GNAO1: variants seen among roughly 807,000 people sequenced by gnomAD.
The protein encoded by GNAO1 is guanine nucleotide-binding protein G(o) subunit alpha.
For missense variants in GNAO1, 166 were observed against 478.7 expected (o/e 0.35, Z 6.10); for synonymous variants, 164 against 180.7 (o/e 0.91, Z 0.74).
rs3827947 is a variant in GNAO1, at chr16:56,337,694, G to A, written c.723+834G>A. On this transcript the variant is annotated intron_variant, in intron 6 of 8. Transcript: ENST00000262493. ...CTGTTGGCAGTGGGGTGGGTGATGCGTGTGCAGCGCTCTGGAGCTGTTTCT... is the reference window on the plus strand; with the variant it reads ...CTGTTGGCAGTGGGGTGGGTGATGCATGTGCAGCGCTCTGGAGCTGTTTCT... 3.2e-3 allele frequency among the ~76,000 whole-genome samples: 488 copies of A among 152,358 alleles called. 5 individuals carry two copies. The highest frequency in any genetic ancestry group is 0.022 in the East Asian group (113 of 5,186).
At chr16:56,192,379 T>TCCCCCCAG in intron 1 of GNAO1, 26 bp downstream of exon 1, 1 of 1,115,914 alleles carries the variant, frequency 9.0e-7, no homozygotes, top group Non-Finnish European at 1.2e-6. Flanking sequence ...GCTACCCCCA[T>TCCCCCCAG]CCCCCGACCC....
rs1567443258 is a variant in GNAO1, at chr16:56,220,738, T to TGTTG, written c.161+28122_161+28123insGTTG. Among the ~76,000 whole-genome samples, 7 of 151,454 alleles carry TGTTG rather than the reference T, an allele frequency of 4.6e-5. No homozygotes were observed. In the South Asian group the frequency reaches 1.5e-3, roughly 32 times the overall value. On this transcript the variant is annotated intron_variant, in intron 2 of 8. Transcript: ENST00000262493. The stretch of plus-strand genomic sequence containing the variant: ...TCGTGGATGGGATTAGCGTGGGTTT[T>TGTTG]TTGTTGTTGTTGTTGTTGTTGTTGT...
intron 2 of GNAO1, chr16:56,193,735 T>C (rs898894661): frequency 1.3e-5 from 3 of 223,640 alleles, no homozygotes; most frequent in African/African-American, 6.9e-5. Context: ...GGGGAGGGGG[T>C]GGCCGGCAGC....
chr16:56,221,319 A>G (rs1414704726), intron 2 of GNAO1, among the ~76,000 whole-genome samples: 1 of 152,030 alleles, frequency 6.6e-6, no homozygotes, highest in Non-Finnish European at 1.5e-5. Flanking sequence ...CTGGGGACCC[A>G]CCACACCCTG....
chr16:56,292,562 A>G (rs1400156213), intron 3 of GNAO1, among the ~76,000 whole-genome samples: 1 of 152,034 alleles, frequency 6.6e-6, no homozygotes, highest in Non-Finnish European at 1.5e-5. Context: ...GGGTTACATT[A>G]TGTTGCCCAG....
chr16:56,292,629 T>A (rs1267021111), intron 3 of GNAO1, among the ~76,000 whole-genome samples: 4 of 152,184 alleles, frequency 2.6e-5, no homozygotes, highest in African/African-American at 4.8e-5. Flanking sequence ...CCCAAAGTGC[T>A]GGGATTACAA....
In GNAO1 at chr16:56,334,875, C is replaced by T. The variant is rs12721463; in HGVS notation, c.593+18C>T. 5,672 of 1,613,514 alleles carry T rather than the reference C, an allele frequency of 3.5e-3. 188 individuals are homozygous for T. The African/African-American group carries it at 0.063, about 18-fold the overall frequency. On this transcript the variant is annotated intron_variant, in intron 5 of 8. Transcript: ENST00000262493. ...CACTTCAGGTGAGGCCCAGAGAGGC[C>T]CCCAGGCCCTGGCGAGGGCTAAGAT...
At chr16:56,340,093 T>G (rs1416745891) in intron 6 of GNAO1, among the ~76,000 whole-genome samples, 4 of 152,250 alleles carry the variant, frequency 2.6e-5, no homozygotes, top group Admixed American at 6.5e-5. Context: ...GCCCTGAGAC[T>G]GGTTGAACCA....
At chr16:56,240,804 G>A (rs1273184979) in intron 2 of GNAO1, among the ~76,000 whole-genome samples, 2 of 152,228 alleles carry the variant, frequency 1.3e-5, no homozygotes, top group African/African-American at 2.4e-5. Flanking sequence ...GTTTATCCTC[G>A]TGCACAGTCA....
chr16:56,242,509 A>C (rs1260924459), intron 2 of GNAO1, among the ~76,000 whole-genome samples: 1 of 152,242 alleles, frequency 6.6e-6, no homozygotes, highest in African/African-American at 2.4e-5. Flanking sequence ...GTCCAGGAAT[A>C]AACTTATACA....
At chr16:56,267,728 G>A (rs770314983) in intron 2 of GNAO1, among the ~76,000 whole-genome samples, 75 of 152,066 alleles carry the variant, frequency 4.9e-4, no homozygotes, top group Non-Finnish European at 8.2e-4. Flanking sequence ...CTTTCATATT[G>A]TTCTTCCCTA....
chr16:56,310,257 G>A (rs777396101), intron 3 of GNAO1, among the ~76,000 whole-genome samples: 4 of 152,196 alleles, frequency 2.6e-5, no homozygotes, highest in African/African-American at 4.8e-5. Flanking sequence ...TTGAGCCTGG[G>A]GGGTTCGAGG....
At chr16:56,227,166 A>T (rs1294206434) in intron 2 of GNAO1, among the ~76,000 whole-genome samples, 16 of 152,168 alleles carry the variant, frequency 1.1e-4, no homozygotes, top group Non-Finnish European at 4.4e-5. Context: ...TTTTAAAGAA[A>T]ACAAGAAGAA....
At chr16:56,292,156 G>T (rs1021381145) in intron 3 of GNAO1, among the ~76,000 whole-genome samples, 2 of 152,138 alleles carry the variant, frequency 1.3e-5, no homozygotes, top group Non-Finnish European at 2.9e-5. Context: ...CTGCACCCAG[G>T]CTGCAGTCAT....
intron 6 of GNAO1, chr16:56,345,907 G>A (rs907287367): frequency 1.0e-6 from 1 of 985,502 alleles, no homozygotes; most frequent in Non-Finnish European, 1.2e-6. Context: ...CACCCTGGAG[G>A]TGGAAGTCAC....
chr16:56,253,062 A>G (rs2036814386), intron 2 of GNAO1, among the ~76,000 whole-genome samples: 1 of 152,200 alleles, frequency 6.6e-6, no homozygotes, highest in African/African-American at 2.4e-5. Flanking sequence ...GTGTCTGACT[A>G]GATAGCAGCA....
chr16:56,242,222 T>A (rs2036700208), intron 2 of GNAO1, among the ~76,000 whole-genome samples: 1 of 151,926 alleles, frequency 6.6e-6, no homozygotes, highest in African/African-American at 2.4e-5. Flanking sequence ...ATGAAAAAAA[T>A]GTTAATATTT....
intron 6 of GNAO1, among the ~76,000 whole-genome samples, chr16:56,338,637 C>T (rs2037766793): frequency 1.3e-5 from 2 of 152,268 alleles, no homozygotes. Context: ...TCCAGCCTCT[C>T]CCTGGACCTG....
intron 3 of GNAO1, among the ~76,000 whole-genome samples, chr16:56,281,904 A>T (rs2037118350): frequency 6.6e-6 from 1 of 152,268 alleles, no homozygotes; most frequent in South Asian, 2.1e-4. Flanking sequence ...ACATGTGTCT[A>T]TATAAACATA....
Sources: gnomAD v4.1 joint callset for allele counts (sites outside exome capture counted in the v4.1 genomes callset) on GRCh38, gnomAD v4.1.1 for gene constraint, MANE v1.5 for transcripts, NCBI Gene and HGNC (gene_info 2026-07-23, HGNC 2026-07-21) for gene names.